GRM5: variants seen among roughly 807,000 people sequenced by gnomAD.
GRM5 encodes metabotropic glutamate receptor 5.
A neutral mutation model predicts 83.1 loss-of-function variants in GRM5; 19 were observed. The observed-to-expected ratio is 0.23, with a 90% CI of 0.16 to 0.34. The LOEUF (loss-of-function observed/expected upper bound fraction) is 0.34, where lower values mean the gene tolerates loss of function less well. Among genes scored for constraint, GRM5 ranks in the 10% least tolerant of loss-of-function variants. The probability of loss-of-function intolerance (pLI) is 1.00; values close to 1 mark genes in which losing one functional copy is unlikely to be tolerated. For synonymous variants in GRM5, 675 were observed against 633.6 expected (o/e 1.07, Z -0.98); for missense variants, 1,160 against 1,588.3 (o/e 0.73, Z 4.58).
At chr11:89,036,687 T>A in intron 2 of GRM5, among the ~76,000 whole-genome samples, 1 of 32,674 alleles carries the variant, frequency 3.1e-5, no homozygotes, top group Non-Finnish European at 5.9e-5. Context: ...CCAAAGTCCC[T>A]CAACTAGCAA....
intron 2 of GRM5, among the ~76,000 whole-genome samples, chr11:88,903,599 T>G (rs1420979452): frequency 1.3e-5 from 2 of 152,132 alleles, no homozygotes; most frequent in Admixed American, 6.5e-5. Flanking sequence ...TTTGCAGCAA[T>G]GAGGATGGAA....
At chr11:88,838,244 A>C (rs1217355367) in intron 3 of GRM5, among the ~76,000 whole-genome samples, 2 of 152,134 alleles carry the variant, frequency 1.3e-5, no homozygotes, top group Admixed American at 6.5e-5. Context: ...TTTGAGGGGA[A>C]CTTTTATGCT....
chr11:88,520,063 T>A (rs530049592), intron 9 of GRM5, among the ~76,000 whole-genome samples: 45 of 152,308 alleles, frequency 3.0e-4, no homozygotes, highest in Admixed American at 7.2e-4. Flanking sequence ...CTACTGTGTA[T>A]GTTATTTTAT....
intron 2 of GRM5, among the ~76,000 whole-genome samples, chr11:88,922,162 C>A (rs1364707474): frequency 3.9e-5 from 6 of 152,004 alleles, no homozygotes; most frequent in Non-Finnish European, 4.4e-5. Context: ...CCATAACACC[C>A]AAAGCAATCT....
At chr11:88,942,699 A>G (rs541842061) in intron 2 of GRM5, among the ~76,000 whole-genome samples, 3 of 151,818 alleles carry the variant, frequency 2.0e-5, no homozygotes, top group South Asian at 4.1e-4. Flanking sequence ...AATGACCTAG[A>G]TTTGTCATTT....
intron 2 of GRM5, among the ~76,000 whole-genome samples, chr11:88,971,418 C>A (rs1939161056): frequency 6.6e-6 from 1 of 151,968 alleles, no homozygotes; most frequent in Non-Finnish European, 1.5e-5. Flanking sequence ...GTTTTTTGAT[C>A]TTCACCCTCC....
intron 2 of GRM5, among the ~76,000 whole-genome samples, chr11:88,968,165 C>T (rs1939049781): frequency 2.0e-5 from 3 of 152,038 alleles, no homozygotes; most frequent in Admixed American, 2.0e-4. Flanking sequence ...TTTTGAATGT[C>T]CAATACAGTA....
intron 2 of GRM5, among the ~76,000 whole-genome samples, chr11:88,903,974 A>G (rs554919441): frequency 3.2e-4 from 48 of 152,302 alleles, no homozygotes; most frequent in Non-Finnish European, 6.2e-4. Context: ...GATGGAAGGA[A>G]TTTCAGGGTT....
intron 2 of GRM5, among the ~76,000 whole-genome samples, chr11:88,948,872 G>C (rs1938365429): frequency 6.6e-6 from 1 of 152,118 alleles, no homozygotes; most frequent in Non-Finnish European, 1.5e-5. Context: ...GCAATTAAAG[G>C]CAAGTGCAAA....
In GRM5 at chr11:88,611,858, T is replaced by C. The variant is rs558509053; in HGVS notation, c.1148-6894A>G. On this transcript the variant is annotated intron_variant, in intron 4 of 9. Coordinates refer to ENST00000305447, the MANE Select transcript of GRM5 (RefSeq NM_001143831.3). ...ATTCCAACTTTTTGATGTAGGCATTTAGTGCTATAAACTTTCCTCCTAATA... is the reference window on the plus strand; with the variant it reads ...ATTCCAACTTTTTGATGTAGGCATTCAGTGCTATAAACTTTCCTCCTAATA... 4.0e-5 allele frequency among the ~76,000 whole-genome samples: 6 copies of C among 151,854 alleles called. No homozygotes were observed. The South Asian group carries it at 1.2e-3, about 32-fold the overall frequency.
intron 2 of GRM5, among the ~76,000 whole-genome samples, chr11:88,995,690 T>C (rs1331787592): frequency 1.3e-5 from 2 of 151,872 alleles, no homozygotes; most frequent in East Asian, 1.9e-4. Context: ...GCTGCTGCAA[T>C]CTGTAGGATG....
chr11:88,898,153 A>G (rs1408029566), intron 2 of GRM5, among the ~76,000 whole-genome samples: 1 of 151,836 alleles, frequency 6.6e-6, no homozygotes, highest in Non-Finnish European at 1.5e-5. Context: ...CATCACTCCA[A>G]TCCTCCATCT....
chr11:88,807,001 GC>G (rs1223039400), intron 3 of GRM5, among the ~76,000 whole-genome samples: 3 of 152,030 alleles, frequency 2.0e-5, no homozygotes, highest in African/African-American at 7.2e-5. Context: ...TCCCTAACTT[GC>G]CCAGGCAAAA....
intron 2 of GRM5, among the ~76,000 whole-genome samples, chr11:88,868,787 T>C (rs1944713339): frequency 6.6e-6 from 1 of 151,764 alleles, no homozygotes. Flanking sequence ...GGTCCTTGTC[T>C]CTATTGCCTA....
At position 88,702,874 on chromosome 11, in the gene GRM5, G is replaced by A. The variant is rs1565193204; in HGVS notation, c.912-49471C>T. On this transcript the variant is annotated intron_variant, in intron 3 of 9. Coordinates refer to ENST00000305447, the MANE Select transcript of GRM5 (RefSeq NM_001143831.3). Reference sequence around the variant, plus strand: ...AGGTCAACCATCTGTAGGTCAATGGGAGAGGCCTCAGAGGAAACTAACCCT... The same window carrying A: ...AGGTCAACCATCTGTAGGTCAATGGAAGAGGCCTCAGAGGAAACTAACCCT... Among the ~76,000 whole-genome samples the A allele has an allele frequency of 5.9e-5, 9 of 152,168 alleles. 1 individual carries two copies. In the South Asian group the frequency reaches 1.9e-3, roughly 32 times the overall value.
chr11:88,885,450 G>GGTTTTTTTTTTTTTTTTTTTTTTTTTTTT lies in GRM5; in HGVS notation c.662-35296_662-35295insAAAAAAAAAAAAAAAAAAAAAAAAAAAAC, dbSNP rs1945027301. Among the ~76,000 whole-genome samples the GGTTTTTTTTTTTTTTTTTTTTTTTTTTTT allele has an allele frequency of 8.0e-5, 5 of 62,666 alleles. 1 individual carries two copies. Among genetic ancestry groups the GGTTTTTTTTTTTTTTTTTTTTTTTTTTTT allele is most frequent in the African/African-American group, 2.4e-4 (4 of 16,858 alleles). 41.1% of individuals were successfully genotyped at this position (62,666 alleles called of 152,430 possible). ...TTCTGAATTCTATAGTAGGTACCAT[G>GGTTTTTTTTTTTTTTTTTTTTTTTTTTTT]TTTTTTTTTTTTTTTTTTTTTTTTT... On this transcript the variant is annotated intron_variant, in intron 2 of 9. Transcript: ENST00000305447.
chr11:88,796,851 AT>A (rs1397959022), intron 3 of GRM5, among the ~76,000 whole-genome samples: 1 of 150,980 alleles, frequency 6.6e-6, no homozygotes, highest in African/African-American at 2.4e-5. Context: ...AGGTGCCTGT[AT>A]TTCTTTTTGT....
chr11:88,907,958 C>A (rs1245702029), intron 2 of GRM5, among the ~76,000 whole-genome samples: 3 of 151,978 alleles, frequency 2.0e-5, no homozygotes, highest in South Asian at 2.1e-4. Flanking sequence ...TGTAATCCCA[C>A]CATGATTAGA....
intron 3 of GRM5, among the ~76,000 whole-genome samples, chr11:88,678,726 A>T (rs969954414): frequency 6.6e-6 from 1 of 152,150 alleles, no homozygotes; most frequent in East Asian, 1.9e-4. Context: ...GAAGAAACTG[A>T]TTTTATCTAC....
Sources: allele counts gnomAD v4.1 joint callset (sites outside exome capture counted in the v4.1 genomes callset), GRCh38; gene constraint gnomAD v4.1.1; transcripts MANE v1.5; gene names NCBI Gene and HGNC (gene_info 2026-07-23, HGNC 2026-07-21).